AGAP1: variants seen among roughly 807,000 people sequenced by gnomAD.
AGAP1 encodes arf-GAP with GTPase, ANK repeat and PH domain-containing protein 1.
In AGAP1, 29 loss-of-function variants were observed where a neutral mutation model predicts 105.3. The observed-to-expected ratio is 0.28, with a 90% CI of 0.21 to 0.38. The LOEUF is 0.38. Ranked by LOEUF, AGAP1 falls within the 10% of genes least tolerant of loss-of-function variation. The probability of loss-of-function intolerance (pLI) is 1.00; values close to 1 mark genes in which losing one functional copy is unlikely to be tolerated. For missense variants in AGAP1, 998 were observed against 1,165.1 expected, an observed-to-expected ratio of 0.86 and a Z score of 2.09; for synonymous variants, 509 against 485.9, an observed-to-expected ratio of 1.05 and a Z score of -0.63.
At chr2:235,645,960 T>C (rs1358831731) in intron 1 of AGAP1, among the ~76,000 whole-genome samples, 1 of 152,118 alleles carries the variant, frequency 6.6e-6, no homozygotes, top group East Asian at 1.9e-4. Context: ...ACCAAGTCTA[T>C]CAAGCTTCTT....
chr2:235,721,881 G>T lies in AGAP1; in HGVS notation c.310+4237G>T, dbSNP rs960259092. ...CTCCTTTTCAGCAGATACATCAGATGCATTTTAGCTCCATCCCAGAGGGTA... is the reference window on the plus strand; with the variant it reads ...CTCCTTTTCAGCAGATACATCAGATTCATTTTAGCTCCATCCCAGAGGGTA... On this transcript the variant is annotated intron_variant, in intron 3 of 17. Coordinates refer to ENST00000304032, the MANE Select transcript of AGAP1 (RefSeq NM_001037131.3). The surrounding 1 kb of genome is among the most constrained non-coding windows in gnomAD (Gnocchi z 4.5). Among the ~76,000 whole-genome samples the T allele has an allele frequency of 6.6e-6, 1 of 152,194 alleles. No individual in the cohort carries two copies. Among genetic ancestry groups the T allele is most frequent in the Non-Finnish European group, 1.5e-5 (1 of 68,032 alleles).
intron 1 of AGAP1, among the ~76,000 whole-genome samples, chr2:235,565,740 A>G (rs1218995734): frequency 6.6e-6 from 1 of 152,104 alleles, no homozygotes; most frequent in Non-Finnish European, 1.5e-5. Context: ...TGCTCACTGC[A>G]ACCTCTGCCT....
At position 236,012,380 on chromosome 2, in the gene AGAP1, G is replaced by T. The variant is rs1371755622; in HGVS notation, c.1646-24181G>T. Among the ~76,000 whole-genome samples, 1 of 152,092 alleles carries T rather than the reference G, an allele frequency of 6.6e-6. No individual in the cohort carries two copies. The highest frequency in any genetic ancestry group is 2.4e-5 in the African/African-American group (1 of 41,416). On this transcript the variant is annotated intron_variant, in intron 13 of 17. Coordinates refer to ENST00000304032, the MANE Select transcript of AGAP1 (RefSeq NM_001037131.3). This position sits in a 1 kb window ranked among gnomAD's most constrained non-coding sequence, Gnocchi z 4.9. ...TCTTGAGGAGTGCAGCCTTCTCATG[G>T]CTACCTCTTTCTGGAACTTGCGAAA...
chr2:235,794,625 C>A (rs1435693785), intron 6 of AGAP1, among the ~76,000 whole-genome samples: 2 of 152,186 alleles, frequency 1.3e-5, no homozygotes, highest in African/African-American at 4.8e-5. Context: ...GCATGCGCCA[C>A]CACATCCGGC....
At chr2:235,920,136 A>C (rs1300262801) in intron 11 of AGAP1, among the ~76,000 whole-genome samples, 1 of 152,138 alleles carries the variant, frequency 6.6e-6, no homozygotes, top group African/African-American at 2.4e-5. Flanking sequence ...TGTCATTGCA[A>C]CTGGGTCTGG....
At chr2:235,748,109 C>T (rs746413002) in intron 5 of AGAP1, among the ~76,000 whole-genome samples, 6 of 152,174 alleles carry the variant, frequency 3.9e-5, no homozygotes, top group Non-Finnish European at 2.9e-5. Flanking sequence ...GGGAGAAGCA[C>T]GATCTGTAAA....
At chr2:236,016,804 T>C (rs1457092943) in intron 13 of AGAP1, among the ~76,000 whole-genome samples, 2 of 152,192 alleles carry the variant, frequency 1.3e-5, no homozygotes, top group African/African-American at 2.4e-5. Flanking sequence ...GGATACTAAA[T>C]AGTGACTGCA....
In AGAP1 at chr2:236,114,277, C is replaced by T. The variant is rs535249026; in HGVS notation, c.2115-5915C>T. Among the ~76,000 whole-genome samples the T allele has an allele frequency of 4.6e-5, 7 of 152,214 alleles. No individual in the cohort carries two copies. Among genetic ancestry groups the T allele is most frequent in the Non-Finnish European group, 7.4e-5 (5 of 68,020 alleles). On this transcript the variant is annotated intron_variant, in intron 16 of 17. Transcript: ENST00000304032. This position sits in a 1 kb window ranked among gnomAD's most constrained non-coding sequence, Gnocchi z 5.0. The stretch of plus-strand genomic sequence containing the variant: ...GCCAGGGATCCCAGAAGTAGAATTG[C>T]GGCCTCCGAGTGACCATTTGAGTCT...
chr2:235,694,478 CAA>C (rs1055692749), intron 1 of AGAP1, among the ~76,000 whole-genome samples: 27 of 73,632 alleles, frequency 3.7e-4, no homozygotes, highest in African/African-American at 3.9e-4. Context: ...GACTCTGTCT[CAA>C]AAAAAAAAAA....
chr2:235,925,549 G>C (rs142712020), intron 11 of AGAP1, among the ~76,000 whole-genome samples: 20 of 152,260 alleles, frequency 1.3e-4, no homozygotes, highest in Middle Eastern at 3.4e-3. Flanking sequence ...ATTTCTATTA[G>C]CCTTCCTGAA....
intron 1 of AGAP1, among the ~76,000 whole-genome samples, chr2:235,592,179 A>G (rs1157277517): frequency 6.6e-6 from 1 of 152,208 alleles, no homozygotes; most frequent in Non-Finnish European, 1.5e-5. Context: ...GCTGGAGGCC[A>G]GGAGCTGTGC....
intron 1 of AGAP1, among the ~76,000 whole-genome samples, chr2:235,526,792 A>G (rs1215297860): frequency 6.6e-6 from 1 of 150,950 alleles, no homozygotes; most frequent in African/African-American, 2.5e-5. Context: ...CTTTGGGTTC[A>G]GAATAGTTAT....
chr2:235,957,884 T>C lies in AGAP1; in HGVS notation c.1484-10578T>C, dbSNP rs1437050969. Among the ~76,000 whole-genome samples the C allele has an allele frequency of 6.6e-6, 1 of 152,170 alleles. No homozygotes were observed. Reference sequence around the variant, plus strand: ...GATTTCCTCTCCTGGCACCTACAAATGGGCCTGTCTTTGATAATTTTAAAT... The same window carrying C: ...GATTTCCTCTCCTGGCACCTACAAACGGGCCTGTCTTTGATAATTTTAAAT... On this transcript the variant is annotated intron_variant, in intron 12 of 17. Coordinates refer to ENST00000304032, the MANE Select transcript of AGAP1 (RefSeq NM_001037131.3). This position sits in a 1 kb window ranked among gnomAD's most constrained non-coding sequence, Gnocchi z 4.6.
At position 235,959,026 on chromosome 2, in the gene AGAP1, A is replaced by G. The variant is rs1313994698; in HGVS notation, c.1484-9436A>G. 6.6e-6 allele frequency among the ~76,000 whole-genome samples: 1 copy of G among 152,190 alleles called. No individual in the cohort carries two copies. The highest frequency in any genetic ancestry group is 1.5e-5 in the Non-Finnish European group (1 of 68,028). ...TGAATGTGCGGGATGGTGCCGGCCCATCCCGGCTCAGCGCCGCGCAGCTCG... is the reference window on the plus strand; with the variant it reads ...TGAATGTGCGGGATGGTGCCGGCCCGTCCCGGCTCAGCGCCGCGCAGCTCG... On this transcript the variant is annotated intron_variant, in intron 12 of 17. Coordinates refer to ENST00000304032, the MANE Select transcript of AGAP1 (RefSeq NM_001037131.3). This position sits in a 1 kb window ranked among gnomAD's most constrained non-coding sequence, Gnocchi z 7.3.
At chr2:235,859,393 T>A (rs956182716) in intron 9 of AGAP1, among the ~76,000 whole-genome samples, 1 of 24,180 alleles carries the variant, frequency 4.1e-5, no homozygotes, top group Non-Finnish European at 1.3e-4. Context: ...CCCCACAACC[T>A]CCCCCCCCCC....
rs142869151 is a variant in AGAP1 at position 235,729,999 on chromosome 2, C to T, written c.311-10964C>T. ...AAAAAGGCATAGAACAGTCAAATCA[C>T]GTAGGATTTCTTAGTTTCTCCATGC... is the stretch of plus-strand genomic sequence containing the variant. On this transcript the variant is annotated intron_variant, in intron 3 of 17. Coordinates refer to ENST00000304032, the MANE Select transcript of AGAP1 (RefSeq NM_001037131.3). The surrounding 1 kb of genome is among the most constrained non-coding windows in gnomAD (Gnocchi z 5.0). Among the ~76,000 whole-genome samples the T allele has an allele frequency of 8.6e-4, 131 of 152,202 alleles. 3 individuals carry two copies. In the East Asian group the frequency reaches 0.02, roughly 24 times the overall value.
chr2:235,624,930 T>C (rs954590479), intron 1 of AGAP1, among the ~76,000 whole-genome samples: 5 of 152,190 alleles, frequency 3.3e-5, no homozygotes, highest in Non-Finnish European at 1.5e-5. Context: ...TCTTGCCATG[T>C]GATGTCCTGC....
At chr2:236,107,898 A>G (rs1376566220) in intron 16 of AGAP1, among the ~76,000 whole-genome samples, 2 of 152,212 alleles carry the variant, frequency 1.3e-5, no homozygotes, top group Non-Finnish European at 2.9e-5. Context: ...TTAATTAATA[A>G]TGATCCTCTT....
At chr2:235,495,012 G>T (rs1321289472) in intron 1 of AGAP1, among the ~76,000 whole-genome samples, 163 bp downstream of exon 1, 2 of 152,060 alleles carry the variant, frequency 1.3e-5, no homozygotes, top group Admixed American at 6.5e-5. Context: ...GGCCGGGCGA[G>T]CGTCGCCTGC....
Sources: allele counts gnomAD v4.1 joint callset (sites outside exome capture counted in the v4.1 genomes callset), GRCh38; gene constraint gnomAD v4.1.1; non-coding constraint Gnocchi (gnomAD v3.1); transcripts MANE v1.5; gene names NCBI Gene and HGNC (gene_info 2026-07-23, HGNC 2026-07-21).